The following PTPRK variants were observed in gnomAD, a reference collection of about 807,000 sequenced individuals.
The protein encoded by PTPRK is protein tyrosine phosphatase receptor type K, also known as receptor-type tyrosine-protein phosphatase kappa.
A neutral mutation model predicts 178.0 loss-of-function variants in PTPRK; 75 were observed. The observed-to-expected ratio is 0.42, with a 90% confidence interval of 0.35 to 0.51. PTPRK has a LOEUF of 0.51. PTPRK is among the 20% of genes least tolerant of loss of function. PTPRK has a pLI of 0.02. For missense variants in PTPRK, 1,441 were observed against 1,797.8 expected, an observed-to-expected ratio of 0.80 and a Z score of 3.59; for synonymous variants, 637 against 620.6, an observed-to-expected ratio of 1.03 and a Z score of -0.39.
chr6:128,122,489 A>G (rs1792640976), intron 7 of PTPRK, among the ~76,000 whole-genome samples: 1 of 151,878 alleles, frequency 6.6e-6, no homozygotes, highest in African/African-American at 2.4e-5. Flanking sequence ...GGAGCTGAAA[A>G]CTCTTTCAAT....
chr6:128,180,780 T>C (rs968845144), intron 7 of PTPRK, among the ~76,000 whole-genome samples: 4 of 152,152 alleles, frequency 2.6e-5, no homozygotes, highest in African/African-American at 9.6e-5. Flanking sequence ...TCTCAGAGAA[T>C]AAGTTAGCCA....
At chr6:128,291,532 C>T (rs1823384463) in intron 3 of PTPRK, among the ~76,000 whole-genome samples, 1 of 152,124 alleles carries the variant, frequency 6.6e-6, no homozygotes, top group African/African-American at 2.4e-5. Flanking sequence ...AATTTGAACT[C>T]AGATTCAAAA....
intron 1 of PTPRK, among the ~76,000 whole-genome samples, chr6:128,425,015 G>A (rs986110302): frequency 1.4e-4 from 21 of 151,194 alleles, no homozygotes; most frequent in East Asian, 5.8e-4. Context: ...GTTCTTTAGC[G>A]GTGATTTTTG....
Position 128,221,917 on chromosome 6 carries a change from G to A in PTPRK, c.694-2821C>T, listed in dbSNP as rs551277453. 4.0e-5 allele frequency among the ~76,000 whole-genome samples: 6 copies of A among 151,868 alleles called. No individual in the cohort carries two copies. The South Asian group carries it at 6.2e-4, about 16-fold the overall frequency. On this transcript the variant is annotated intron_variant, in intron 5 of 29. Coordinates refer to ENST00000368226, the MANE Select transcript of PTPRK (RefSeq NM_002844.4). ...ATTATACATGCAAACCTCAGACTGCGTTTTTTTCAATTAGCACATCATTTC... is the reference window on the plus strand; with the variant it reads ...ATTATACATGCAAACCTCAGACTGCATTTTTTTCAATTAGCACATCATTTC...
At chr6:128,436,735 G>A (rs1845649859) in intron 1 of PTPRK, among the ~76,000 whole-genome samples, 1 of 152,070 alleles carries the variant, frequency 6.6e-6, no homozygotes, top group Non-Finnish European at 1.5e-5. Context: ...TTAAAACCTA[G>A]GCAGTATTTG....
intron 5 of PTPRK, among the ~76,000 whole-genome samples, chr6:128,236,183 C>T (rs1813222969): frequency 6.6e-6 from 1 of 151,812 alleles, no homozygotes; most frequent in Non-Finnish European, 1.5e-5. Context: ...AGTTCTAAAA[C>T]TTAGAAGATT....
chr6:127,970,396 T>C (rs1383896742), intron 29 of PTPRK, 116 bp from the exon 30 acceptor site: 10 of 700,596 alleles, frequency 1.4e-5, no homozygotes, highest in Non-Finnish European at 2.3e-5. Context: ...TTACAATTTA[T>C]TTTTTCTATA....
chr6:128,280,594 A>G (rs1821515147), intron 3 of PTPRK, among the ~76,000 whole-genome samples: 1 of 152,190 alleles, frequency 6.6e-6, no homozygotes, highest in East Asian at 1.9e-4. Flanking sequence ...ATAATATAAA[A>G]TGTGTTTTTA....
chr6:128,016,306 T>C (rs922362157), intron 13 of PTPRK, among the ~76,000 whole-genome samples: 2 of 151,932 alleles, frequency 1.3e-5, no homozygotes, highest in African/African-American at 4.8e-5. Context: ...TAAAGGACTA[T>C]GATAGGGCGA....
In PTPRK at chr6:128,242,582, G is replaced by C. The variant is rs373638110; in HGVS notation, c.516C>G (p.Val172=). The C allele has an allele frequency of 3.1e-6, 5 of 1,612,512 alleles. No homozygotes were observed. In the Admixed American group the frequency reaches 6.7e-5, roughly 22 times the overall value. ...NEYQVIFEAE[V]SGGRSGYIAI... Reference sequence around the variant, plus strand: ...CAATATAACCACTTCTCCCTCCTGAGACTTCAGCTTCAAATATTACCTGTC... The same window carrying C: ...CAATATAACCACTTCTCCCTCCTGACACTTCAGCTTCAAATATTACCTGTC... The change falls in exon 4 of 30, where the codon GTC becomes GTG. Residue 172 remains valine, a synonymous_variant. Transcript: ENST00000368226.
chr6:128,368,581 C>T (rs1348126834), intron 2 of PTPRK, among the ~76,000 whole-genome samples: 1 of 152,068 alleles, frequency 6.6e-6, no homozygotes, highest in African/African-American at 2.4e-5. Context: ...GCTACTAACT[C>T]AAGATTGCTA....
chr6:127,992,295 C>T (rs1340751509), intron 19 of PTPRK, among the ~76,000 whole-genome samples: 1 of 151,652 alleles, frequency 6.6e-6, no homozygotes, highest in Non-Finnish European at 1.5e-5. Flanking sequence ...CAATATTGGT[C>T]TTGGGTACTA....
chr6:128,430,440 T>C (rs894087895), intron 1 of PTPRK, among the ~76,000 whole-genome samples: 3 of 152,224 alleles, frequency 2.0e-5, no homozygotes, highest in African/African-American at 7.2e-5. Context: ...AGTCTTTGAC[T>C]TTACTTGATT....
chr6:128,088,149 G>A (rs1244398506), intron 8 of PTPRK, among the ~76,000 whole-genome samples: 4 of 152,040 alleles, frequency 2.6e-5, no homozygotes, highest in Admixed American at 6.6e-5. Context: ...AGGCGGAGGC[G>A]GGTGGATCAC....
chr6:128,366,052 G>T (rs1256177184), intron 2 of PTPRK, among the ~76,000 whole-genome samples: 1 of 152,072 alleles, frequency 6.6e-6, no homozygotes, highest in Non-Finnish European at 1.5e-5. Context: ...AGACAGATAA[G>T]CCTTTCCATA....
rs574381793 is a variant in PTPRK at position 128,181,824 on chromosome 6, C to T, written c.1162+2608G>A. Reference sequence around the variant, plus strand: ...GAACATACATCATAATCCTAACTAACACTCTGTATTTAATTATACTATATA... The same window carrying T: ...GAACATACATCATAATCCTAACTAATACTCTGTATTTAATTATACTATATA... On this transcript the variant is annotated intron_variant, in intron 7 of 29. Transcript: ENST00000368226. 9.9e-5 allele frequency among the ~76,000 whole-genome samples: 15 copies of T among 152,172 alleles called. No homozygotes were observed. In the East Asian group the frequency reaches 2.3e-3, roughly 24 times the overall value.
intron 7 of PTPRK, among the ~76,000 whole-genome samples, chr6:128,113,038 T>TTGC (rs1389911644): frequency 1.3e-5 from 2 of 152,088 alleles, no homozygotes; most frequent in African/African-American, 4.8e-5. Context: ...ACTCCAAATC[T>TTGC]TGCCATTTGT....
intron 27 of PTPRK, among the ~76,000 whole-genome samples, chr6:127,976,060 A>G: frequency 6.6e-6 from 1 of 152,130 alleles, no homozygotes; most frequent in East Asian, 1.9e-4. Flanking sequence ...GAAAGACGAT[A>G]CAGTTACTAC....
Position 127,981,295 on chromosome 6 carries a change from A to C in PTPRK, c.3538-6T>G. On this transcript the variant is annotated splice_region_variant and splice_polypyrimidine_tract_variant and intron_variant, in intron 24 of 29. Coordinates refer to ENST00000368226, the MANE Select transcript of PTPRK (RefSeq NM_002844.4). ...GGGGTGACTGAATTCAGAGTCTAAA[A>C]AGAAAAGAGAACCCAGGTTAAAAGA... 1 of 1,611,254 alleles carries C rather than the reference A, an allele frequency of 6.2e-7. No individual in the cohort carries two copies.
Sources: gnomAD v4.1 joint callset for allele counts (sites outside exome capture counted in the v4.1 genomes callset) on GRCh38, gnomAD v4.1.1 for gene constraint, MANE v1.5 for transcripts, NCBI Gene and HGNC (gene_info 2026-07-23, HGNC 2026-07-21) for gene names.